OSBPL9: variants seen among roughly 807,000 people sequenced by gnomAD.
OSBPL9 encodes oxysterol binding protein like 9.
In OSBPL9, 40 loss-of-function variants were observed where a neutral mutation model predicts 106.6. The observed-to-expected ratio is 0.38, with a 90% CI of 0.29 to 0.49. The LOEUF (loss-of-function observed/expected upper bound fraction) is 0.49. OSBPL9 is among the 20% of genes least tolerant of loss of function. The pLI is 0.97. For synonymous variants in OSBPL9, 269 were observed against 295.4 expected, an observed-to-expected ratio of 0.91 and a Z score of 0.92; for missense variants, 609 against 887.2, an observed-to-expected ratio of 0.69 and a Z score of 3.98.
chr1:51,615,413 C>T (rs749717234), upstream of OSBPL9, among the ~76,000 whole-genome samples: 1 of 152,138 alleles, frequency 6.6e-6, no homozygotes, highest in Non-Finnish European at 1.5e-5. Flanking sequence ...AAAAGTCAAC[C>T]TTTGCACTTG....
At chr1:51,748,097 G>T (rs552302970) in intron 6 of OSBPL9, among the ~76,000 whole-genome samples, 3 of 152,074 alleles carry the variant, frequency 2.0e-5, no homozygotes, top group Non-Finnish European at 2.9e-5. Context: ...CCAGGAATAA[G>T]AATGTTTTAT....
intron 1 of OSBPL9, among the ~76,000 whole-genome samples, chr1:51,641,783 G>A (rs905278821): frequency 1.3e-5 from 2 of 152,162 alleles, no homozygotes; most frequent in South Asian, 2.1e-4. Context: ...TGGGAGCACC[G>A]GGTCAATGCC....
intron 1 of OSBPL9, among the ~76,000 whole-genome samples, chr1:51,594,695 C>G (rs1570535874): frequency 6.6e-6 from 1 of 152,216 alleles, no homozygotes; most frequent in African/African-American, 2.4e-5. Context: ...AAGCTACCTG[C>G]CCAGTGTCAC....
At chr1:51,600,287 T>G (rs989230580) in intron 2 of OSBPL9, among the ~76,000 whole-genome samples, 9 of 152,200 alleles carry the variant, frequency 5.9e-5, no homozygotes, top group African/African-American at 2.2e-4. Context: ...CCTCTAGATA[T>G]GTCTAATGAA....
the OSBPL9 span, among the ~76,000 whole-genome samples, chr1:51,566,850 T>G: frequency 6.6e-6 from 1 of 152,170 alleles, no homozygotes; most frequent in Non-Finnish European, 1.5e-5. Flanking sequence ...ATGATTTGTC[T>G]GTTGTGTCTG....
intron 1 of OSBPL9, among the ~76,000 whole-genome samples, chr1:51,636,417 A>G (rs927574320): frequency 6.7e-6 from 1 of 150,198 alleles, no homozygotes; most frequent in Non-Finnish European, 1.5e-5. Flanking sequence ...AGCTCACTGC[A>G]TCCTCTGACT....
At chr1:51,579,840 G>A (rs544256939) in intron 1 of OSBPL9, among the ~76,000 whole-genome samples, 4 of 126,334 alleles carry the variant, frequency 3.2e-5, no homozygotes, top group Non-Finnish European at 6.7e-5. Flanking sequence ...GGGCGACAGA[G>A]TGAGACTCTG....
At chr1:51,570,881 G>A in the OSBPL9 span, among the ~76,000 whole-genome samples, 3 of 152,070 alleles carry the variant, frequency 2.0e-5, no homozygotes, top group African/African-American at 7.2e-5. Context: ...GAGTGCAGTG[G>A]CATAATCTCG....
chr1:51,656,614 A>C (rs1646829019), intron 2 of OSBPL9, among the ~76,000 whole-genome samples: 1 of 151,128 alleles, frequency 6.6e-6, no homozygotes. Flanking sequence ...CCTATCCTCT[A>C]CATTTTTTTT....
chr1:51,638,898 G>A (rs1410918984), intron 1 of OSBPL9, among the ~76,000 whole-genome samples: 8 of 152,080 alleles, frequency 5.3e-5, no homozygotes, highest in Non-Finnish European at 1.2e-4. Context: ...AGGATTGCTT[G>A]AGGTCAGGAG....
chr1:51,717,675 C>CT (rs553384136), intron 4 of OSBPL9, among the ~76,000 whole-genome samples: 7,772 of 138,790 alleles, frequency 0.056, 269 homozygotes, highest in Admixed American at 0.12. Flanking sequence ...GTTAAAATGG[C>CT]TTTTTTTTTT....
At chr1:51,569,937 G>A in the OSBPL9 span, among the ~76,000 whole-genome samples, 1 of 152,146 alleles carries the variant, frequency 6.6e-6, no homozygotes, top group Non-Finnish European at 1.5e-5. Context: ...TTACAATCAG[G>A]AGGCTGAGTC....
At chr1:51,652,670 C>G (rs1646589056) in intron 2 of OSBPL9, among the ~76,000 whole-genome samples, 1 of 152,092 alleles carries the variant, frequency 6.6e-6, no homozygotes, top group Non-Finnish European at 1.5e-5. Context: ...GTTTTTTACA[C>G]AAAGGGTACA....
At chr1:51,613,629 G>T (rs1413071115), upstream of OSBPL9, among the ~76,000 whole-genome samples, 3 of 152,030 alleles carry the variant, frequency 2.0e-5, no homozygotes, top group African/African-American at 7.2e-5. Context: ...TATCCAAAAA[G>T]AAACAGAAAT....
the OSBPL9 span, among the ~76,000 whole-genome samples, chr1:51,533,502 A>G: frequency 6.6e-6 from 1 of 150,462 alleles, no homozygotes; most frequent in African/African-American, 2.4e-5. Flanking sequence ...AAAAAAAAAA[A>G]GAAAGAAAGA....
chr1:51,569,937 G>C, the OSBPL9 span, among the ~76,000 whole-genome samples: 1 of 152,146 alleles, frequency 6.6e-6, no homozygotes, highest in African/African-American at 2.4e-5. Context: ...TTACAATCAG[G>C]AGGCTGAGTC....
At position 51,781,184 on chromosome 1, in the gene OSBPL9, C is replaced by A; in HGVS notation, c.1277C>A (p.Pro426His). ...LFVSISDQKDPKDRMVQVVKW... is the reference protein window; with the variant it reads ...LFVSISDQKDHKDRMVQVVKW... ...TGCAGCATTAGTGACCAGAAGGATC[C>A]CAAGGATCGAATGGTTCAGGTTGTG... Residue 426 changes from proline (P) to histidine (H), a missense_variant, in exon 16 of 24, where the codon CCC (proline) becomes CAC (histidine). Physicochemically the swap from Pro to His is moderately conservative, Grantham distance 77. Around this residue, in one of 5 missense-constraint regions of OSBPL9, gnomAD observed 356 missense variants for 505.8 expected, o/e 0.70. Coordinates refer to ENST00000428468, the MANE Select transcript of OSBPL9 (RefSeq NM_024586.6). 6.2e-7 allele frequency: 1 copy of A among 1,613,896 alleles called. No homozygotes were observed. The highest frequency in any genetic ancestry group is 8.5e-7 in the Non-Finnish European group (1 of 1,179,936).
At chr1:51,746,874 A>G (rs879443916) in intron 6 of OSBPL9, 117 bp downstream of exon 6, 29 of 756,198 alleles carry the variant, frequency 3.8e-5, no homozygotes, top group Middle Eastern at 6.0e-4. Context: ...CTAGTGTAAT[A>G]TTACTGCCAT....
At chr1:51,531,990 G>C in the OSBPL9 span, among the ~76,000 whole-genome samples, 2 of 152,198 alleles carry the variant, frequency 1.3e-5, no homozygotes, top group South Asian at 4.1e-4. Flanking sequence ...AAGGAGCAAG[G>C]AAGGAAGGAG....
Sources: allele counts gnomAD v4.1 joint callset (sites outside exome capture counted in the v4.1 genomes callset), GRCh38; gene constraint gnomAD v4.1.1; regional missense constraint gnomAD v4.1.1; transcripts MANE v1.5; gene names NCBI Gene and HGNC (gene_info 2026-07-23, HGNC 2026-07-21).